Variants in FOXP2 observed in about 807,000 individuals in gnomAD.
FOXP2 encodes forkhead box protein P2.
Under a neutral mutation model 115.8 loss-of-function variants are expected in FOXP2, and 12 were observed. The observed-to-expected ratio is 0.10, with a 90% CI of 0.07 to 0.17. FOXP2 has a LOEUF of 0.17. FOXP2 is among the 10% of genes least tolerant of loss of function. The pLI is 1.00. For missense variants in FOXP2, 629 were observed against 843.5 expected (o/e 0.75, Z 3.15); for synonymous variants, 328 against 297.7 (o/e 1.10, Z -1.05).
At chr7:114,198,808 G>A (rs1440088311) in intron 1 of FOXP2, among the ~76,000 whole-genome samples, 1 of 152,176 alleles carries the variant, frequency 6.6e-6, no homozygotes, top group Admixed American at 6.5e-5. Flanking sequence ...AGGAGAGAGG[G>A]AGAAGACTGA....
chr7:114,293,538 T>C (rs1796662246), intron 2 of FOXP2, among the ~76,000 whole-genome samples: 1 of 152,218 alleles, frequency 6.6e-6, no homozygotes, highest in African/African-American at 2.4e-5. Context: ...ATAATTTGGC[T>C]GTGTCAGCAC....
chr7:114,323,223 A>G (rs954237222), intron 2 of FOXP2, among the ~76,000 whole-genome samples: 1 of 152,114 alleles, frequency 6.6e-6, no homozygotes, highest in Non-Finnish European at 1.5e-5. Flanking sequence ...TAATTTTACA[A>G]CAAATATTTT....
At chr7:114,283,049 A>G (rs1369667383) in intron 1 of FOXP2, among the ~76,000 whole-genome samples, 1 of 152,128 alleles carries the variant, frequency 6.6e-6, no homozygotes, top group Non-Finnish European at 1.5e-5. Context: ...AAACAGTTAA[A>G]TTTGTTATTA....
Position 114,658,193 on chromosome 7 carries a change from C to A in FOXP2, c.1394C>A (p.Thr465Asn). 1.2e-6 allele frequency: 2 copies of A among 1,613,826 alleles called. No homozygotes were observed. Among genetic ancestry groups the A allele is most frequent in the East Asian group, 2.2e-5 (1 of 44,846 alleles). Residue 465 changes from threonine to asparagine, a missense_variant, in exon 11 of 17, where the codon ACC becomes AAC. Thr to Asn is a moderately conservative substitution (Grantham distance 65). Transcript: ENST00000350908. Reference protein sequence around the residue: ...TPITQGPSVITPASVPNVGAI... With the variant: ...TPITQGPSVINPASVPNVGAI... ...ATTACCCAGGGACCCTCAGTAATCA[C>A]CCCAGCCAGTGTGCCCAATGTGGGA...
At chr7:114,205,332 T>C (rs1794172761) in intron 1 of FOXP2, among the ~76,000 whole-genome samples, 1 of 152,046 alleles carries the variant, frequency 6.6e-6, no homozygotes, top group African/African-American at 2.4e-5. Context: ...TGTTTCCAAA[T>C]ACACAAATTT....
chr7:114,674,503 C>A (rs1191436402), intron 16 of FOXP2, among the ~76,000 whole-genome samples: 2 of 152,174 alleles, frequency 1.3e-5, no homozygotes, highest in Non-Finnish European at 2.9e-5. Flanking sequence ...CTGGCAGCTA[C>A]TACACGCAAA....
intron 16 of FOXP2, among the ~76,000 whole-genome samples, chr7:114,670,287 G>A (rs1478796245): frequency 6.6e-6 from 1 of 151,950 alleles, no homozygotes; most frequent in Non-Finnish European, 1.5e-5. Flanking sequence ...TGTGTCCTTA[G>A]AAGGCAAACC....
At chr7:114,220,033 A>AT (rs142683981) in intron 1 of FOXP2, among the ~76,000 whole-genome samples, 33,661 of 137,366 alleles carry the variant, frequency 0.25, 4,347 homozygotes, top group African/African-American at 0.3. Flanking sequence ...TGCTCAGCTA[A>AT]TTTTTTTTTT....
chr7:114,324,980 G>T (rs897492288), intron 2 of FOXP2, among the ~76,000 whole-genome samples: 1 of 151,780 alleles, frequency 6.6e-6, no homozygotes, highest in East Asian at 1.9e-4. Flanking sequence ...ATACAGGCAT[G>T]CAAAGAGAAA....
chr7:114,418,831 G>A (rs570724826), intron 1 of FOXP2, among the ~76,000 whole-genome samples: 6 of 151,894 alleles, frequency 4.0e-5, no homozygotes, highest in Middle Eastern at 3.4e-3. Context: ...ATAAACCCAG[G>A]TGCCTCCAAT....
intron 2 of FOXP2, among the ~76,000 whole-genome samples, chr7:114,384,428 C>T (rs544439532): frequency 6.6e-6 from 1 of 152,260 alleles, no homozygotes; most frequent in South Asian, 2.1e-4. Context: ...TGAGTGCAAA[C>T]AGCTCGCACA....
chr7:114,589,993 A>T (rs746041184), intron 3 of FOXP2, among the ~76,000 whole-genome samples: 14 of 152,118 alleles, frequency 9.2e-5, no homozygotes, highest in Admixed American at 6.5e-4. Context: ...ATTCTGTTAT[A>T]CTAAACCAGA....
At chr7:114,145,427 C>T (rs1274592433) in intron 1 of FOXP2, among the ~76,000 whole-genome samples, 1 of 45,960 alleles carries the variant, frequency 2.2e-5, no homozygotes, top group Non-Finnish European at 8.8e-5. Flanking sequence ...AGTAGCTTTG[C>T]CATTTTTTCT....
intron 2 of FOXP2, among the ~76,000 whole-genome samples, chr7:114,444,448 A>T (rs915410124): frequency 3.3e-5 from 5 of 152,036 alleles, no homozygotes; most frequent in African/African-American, 4.8e-5. Flanking sequence ...TTTTTATAGC[A>T]CTTGGTTGTA....
At chr7:114,269,829 A>C (rs1006252381) in intron 1 of FOXP2, among the ~76,000 whole-genome samples, 31 of 152,144 alleles carry the variant, frequency 2.0e-4, no homozygotes, top group Admixed American at 6.6e-5. Context: ...TTTTGTATCA[A>C]AGATTACTTC....
chr7:114,527,018 G>T lies in FOXP2; in HGVS notation c.169-7599G>T, dbSNP rs576260646. 2.1e-3 allele frequency among the ~76,000 whole-genome samples: 297 copies of T among 143,592 alleles called. 1 individual carries two copies. The highest frequency in any genetic ancestry group is 7.4e-3 in the African/African-American group (290 of 39,180). 94.2% of individuals were successfully genotyped at this position (143,592 alleles called of 152,430 possible). A position where few individuals can be genotyped will look rare whatever the true frequency, so the allele number is the denominator to read the frequency against. On this transcript the variant is annotated intron_variant, in intron 2 of 16. Coordinates refer to ENST00000350908, the MANE Select transcript of FOXP2 (RefSeq NM_014491.4). ...TTTTTTTTTTTTTTTTGTCTCTTTA[G>T]GTATATCTATTCCAGGCATATTATA...
At chr7:114,356,846 A>G (rs1203003843) in intron 2 of FOXP2, among the ~76,000 whole-genome samples, 1 of 152,214 alleles carries the variant, frequency 6.6e-6, no homozygotes, top group Non-Finnish European at 1.5e-5. Flanking sequence ...ATGAATACCT[A>G]TTTAGAAACA....
At chr7:114,266,194 G>C (rs1461935879) in intron 1 of FOXP2, among the ~76,000 whole-genome samples, 1 of 151,950 alleles carries the variant, frequency 6.6e-6, no homozygotes, top group Admixed American at 6.6e-5. Flanking sequence ...TCATCTTCCT[G>C]TTTTCTTCTG....
At chr7:114,439,193 T>C (rs1794488709) in intron 2 of FOXP2, among the ~76,000 whole-genome samples, 1 of 152,198 alleles carries the variant, frequency 6.6e-6, no homozygotes, top group African/African-American at 2.4e-5. Context: ...TGGACCTCTG[T>C]TTTCAAATGA....
Sources: gnomAD v4.1 joint callset for allele counts (sites outside exome capture counted in the v4.1 genomes callset) on GRCh38, gnomAD v4.1.1 for gene constraint, MANE v1.5 for transcripts, NCBI Gene and HGNC (gene_info 2026-07-23, HGNC 2026-07-21) for gene names.